Variants in TLE4 observed in about 807,000 individuals in gnomAD.
TLE4 encodes the protein TLE family member 4, transcriptional corepressor, also known as transducin-like enhancer protein 4.
TLE4 carries 8 observed loss-of-function variants against 92.8 expected under a neutral mutation model. The observed-to-expected ratio is 0.09, with a 90% CI of 0.05 to 0.16. The LOEUF (loss-of-function observed/expected upper bound fraction) is 0.16, where lower values mean the gene tolerates loss of function less well. Among genes scored for constraint, TLE4 ranks in the 10% least tolerant of loss-of-function variants. The pLI is 1.00. For missense variants in TLE4, 675 were observed against 997.6 expected (o/e 0.68, Z 4.36); for synonymous variants, 371 against 374.1 (o/e 0.99, Z 0.10).
chr9:79,575,082 C>T (rs940564005), intron 3 of TLE4, 146 bp downstream of exon 3: 11 of 552,150 alleles, frequency 2.0e-5, no homozygotes, highest in African/African-American at 1.9e-4. Context: ...CTATTAGCAA[C>T]CTGTAATTCT....
intron 8 of TLE4, among the ~76,000 whole-genome samples, chr9:79,670,173 A>T (rs553822681): frequency 6.6e-6 from 1 of 152,232 alleles, no homozygotes; most frequent in Admixed American, 6.5e-5. Flanking sequence ...CTAAAGAGTA[A>T]AATGAGTAAC....
At chr9:79,665,694 C>T (rs1165139374) in intron 8 of TLE4, among the ~76,000 whole-genome samples, 5 of 152,212 alleles carry the variant, frequency 3.3e-5, no homozygotes, top group Admixed American at 2.0e-4. Context: ...TTGTAGGAAT[C>T]GGCAAAACAA....
chr9:79,635,038 T>C (rs1248976712), intron 6 of TLE4, among the ~76,000 whole-genome samples: 1 of 152,202 alleles, frequency 6.6e-6, no homozygotes, highest in Non-Finnish European at 1.5e-5. Context: ...TTCCAAGTAA[T>C]TGACATACTG....
intron 8 of TLE4, among the ~76,000 whole-genome samples, chr9:79,672,624 G>A (rs549466067): frequency 2.0e-5 from 3 of 152,252 alleles, no homozygotes; most frequent in Non-Finnish European, 2.9e-5. Flanking sequence ...GGCCCAAGAA[G>A]CCTTTGTGGG....
chr9:79,704,918 T>A lies in TLE4; in HGVS notation c.729+16T>A. The A allele has an allele frequency of 6.2e-7, 1 of 1,613,604 alleles. No individual in the cohort carries two copies. The highest frequency in any genetic ancestry group is 1.7e-4 in the Middle Eastern group (1 of 6,054). ...AGCTCGTTATGTAAGTTCATTCACC[T>A]TTGTGTTAGGGGAGGCCAGCTTGCC... On this transcript the variant is annotated intron_variant, in intron 9 of 19. Coordinates refer to ENST00000376552, the MANE Select transcript of TLE4 (RefSeq NM_007005.6).
At chr9:79,605,533 A>G (rs937081157) in intron 4 of TLE4, among the ~76,000 whole-genome samples, 2 of 152,172 alleles carry the variant, frequency 1.3e-5, no homozygotes, top group Non-Finnish European at 2.9e-5. Context: ...TCTTAAAGAT[A>G]TACCTCTAGA....
At chr9:79,693,098 G>A (rs2067417652) in intron 8 of TLE4, among the ~76,000 whole-genome samples, 1 of 152,072 alleles carries the variant, frequency 6.6e-6, no homozygotes, top group South Asian at 2.1e-4. Context: ...TATAAAGCTG[G>A]TGCCTTTTTC....
intron 1 of TLE4, 113 bp downstream of exon 1, chr9:79,572,948 A>C: frequency 8.6e-7 from 1 of 1,164,468 alleles, no homozygotes; most frequent in Non-Finnish European, 1.2e-6. Context: ...GCCGCCCGAA[A>C]TCGGCGCCCC....
chr9:79,646,834 T>C (rs887353088), intron 6 of TLE4, among the ~76,000 whole-genome samples: 2 of 152,192 alleles, frequency 1.3e-5, no homozygotes, highest in African/African-American at 4.8e-5. Context: ...TAAAAATTGC[T>C]CCCTTCTACA....
intron 8 of TLE4, among the ~76,000 whole-genome samples, chr9:79,684,575 C>T (rs2065411455): frequency 6.6e-6 from 1 of 152,066 alleles, no homozygotes; most frequent in Non-Finnish European, 1.5e-5. Flanking sequence ...CAGTTTCATC[C>T]CAAAACCAAA....
intron 8 of TLE4, among the ~76,000 whole-genome samples, chr9:79,692,859 T>C (rs1047931179): frequency 3.9e-5 from 6 of 152,104 alleles, no homozygotes; most frequent in Non-Finnish European, 7.4e-5. Context: ...AGGGGTTAGG[T>C]TTCACCATAT....
chr9:79,624,177 G>GAA (rs5898638), intron 5 of TLE4, among the ~76,000 whole-genome samples: 2,470 of 132,736 alleles, frequency 0.019, 81 homozygotes, highest in African/African-American at 0.062. Flanking sequence ...CCCGAAAATG[G>GAA]AAAAAAAAAA....
chr9:79,698,324 C>T (rs2135718354), intron 8 of TLE4, among the ~76,000 whole-genome samples: 1 of 152,184 alleles, frequency 6.6e-6, no homozygotes, highest in Admixed American at 6.5e-5. Flanking sequence ...TTTTGATTAC[C>T]TGCAAAAGAA....
At chr9:79,667,178 G>C (rs1052212221) in intron 8 of TLE4, among the ~76,000 whole-genome samples, 4 of 152,182 alleles carry the variant, frequency 2.6e-5, no homozygotes, top group African/African-American at 9.7e-5. Flanking sequence ...GTAAACCCTG[G>C]AAGTGGGCCT....
At chr9:79,635,784 T>G (rs550224510) in intron 6 of TLE4, among the ~76,000 whole-genome samples, 14 of 152,286 alleles carry the variant, frequency 9.2e-5, no homozygotes, top group Admixed American at 8.5e-4. Flanking sequence ...CTTTCATTAT[T>G]GATGTTCTCC....
intron 6 of TLE4, among the ~76,000 whole-genome samples, chr9:79,630,191 T>G (rs2053802415): frequency 1.3e-5 from 2 of 152,182 alleles, no homozygotes; most frequent in African/African-American, 4.8e-5. Flanking sequence ...GAAGCACCTT[T>G]TTAACTCTGC....
intron 6 of TLE4, among the ~76,000 whole-genome samples, chr9:79,640,889 TA>T (rs2056998943): frequency 6.6e-6 from 1 of 152,134 alleles, no homozygotes; most frequent in Non-Finnish European, 1.5e-5. Flanking sequence ...CACTCAAGCT[TA>T]AAATACTTGG....
chr9:79,597,608 T>G (rs761820764), intron 4 of TLE4, among the ~76,000 whole-genome samples: 19 of 152,098 alleles, frequency 1.2e-4, no homozygotes, highest in Admixed American at 1.3e-4. Context: ...GTGATTCCTA[T>G]CTGAGGAAAT....
chr9:79,599,172 G>T (rs1287685658), intron 4 of TLE4, among the ~76,000 whole-genome samples: 1 of 152,176 alleles, frequency 6.6e-6, no homozygotes, highest in African/African-American at 2.4e-5. Flanking sequence ...CCTAGGAATT[G>T]ACCTTGATGG....
Sources: allele counts gnomAD v4.1 joint callset (sites outside exome capture counted in the v4.1 genomes callset), GRCh38; gene constraint gnomAD v4.1.1; transcripts MANE v1.5; gene names NCBI Gene and HGNC (gene_info 2026-07-23, HGNC 2026-07-21).